SLC13A3: variants seen among roughly 807,000 people sequenced by gnomAD.
SLC13A3 encodes the protein Na(+)/dicarboxylate cotransporter 3.
A neutral mutation model predicts 59.0 loss-of-function variants in SLC13A3; 40 were observed. That is an observed-to-expected ratio of 0.68 (90% confidence interval 0.53 to 0.88). The LOEUF (loss-of-function observed/expected upper bound fraction) is 0.88, where lower values mean the gene tolerates loss of function less well. Among genes scored for constraint, SLC13A3 ranks in the 40% least tolerant of loss-of-function variants. The probability of loss-of-function intolerance (pLI) is 0.00; values close to 1 mark genes in which losing one functional copy is unlikely to be tolerated. For synonymous variants in SLC13A3, 317 were observed against 330.3 expected, an observed-to-expected ratio of 0.96 and a Z score of 0.44; for missense variants, 699 against 783.2, an observed-to-expected ratio of 0.89 and a Z score of 1.28.
chr20:46,663,444 CAA>C (rs11086176), intron 1 of SLC13A3, among the ~76,000 whole-genome samples: 2,547 of 122,074 alleles, frequency 0.021, 76 homozygotes, highest in African/African-American at 0.066. Flanking sequence ...GACCCTGTTT[CAA>C]AAAAAAAAAA....
intron 8 of SLC13A3, among the ~76,000 whole-genome samples, chr20:46,587,288 T>C (rs988799454): frequency 2.0e-5 from 3 of 152,212 alleles, no homozygotes; most frequent in Non-Finnish European, 4.4e-5. Flanking sequence ...TAATATCATT[T>C]TACAGATTAG....
chr20:46,651,478 G>A (rs1017862036), upstream of SLC13A3: 11 of 1,365,906 alleles, frequency 8.1e-6, no homozygotes, highest in South Asian at 1.2e-4. Context: ...TGGCCCCGGC[G>A]CCGGCTTAAA....
intron 9 of SLC13A3, among the ~76,000 whole-genome samples, chr20:46,578,551 C>T (rs554262315): frequency 2.1e-4 from 32 of 152,042 alleles, no homozygotes; most frequent in African/African-American, 7.0e-4. Flanking sequence ...TGGTGGGTGC[C>T]TATAATCCCA....
chr20:46,608,306 A>AT (rs1211645031), intron 3 of SLC13A3, among the ~76,000 whole-genome samples: 5 of 151,990 alleles, frequency 3.3e-5, no homozygotes, highest in African/African-American at 9.7e-5. Context: ...CATAAATACA[A>AT]TTTTTTTGTC....
At chr20:46,592,860 C>G (rs2062274157) in intron 5 of SLC13A3, among the ~76,000 whole-genome samples, 1 of 152,218 alleles carries the variant, frequency 6.6e-6, no homozygotes, top group African/African-American at 2.4e-5. Flanking sequence ...AAGGGCTCAG[C>G]TGCTATTTGC....
At chr20:46,569,959 T>C (rs1460057370) in intron 10 of SLC13A3, among the ~76,000 whole-genome samples, 2 of 152,168 alleles carry the variant, frequency 1.3e-5, no homozygotes, top group African/African-American at 4.8e-5. Context: ...CCCTTGAAAA[T>C]CTTTTAAAAG....
At chr20:46,583,048 C>A (rs1271539603) in intron 9 of SLC13A3, 1 of 985,670 alleles carries the variant, frequency 1.0e-6, no homozygotes, top group Non-Finnish European at 1.2e-6. Context: ...CCTGGGCAAC[C>A]AAGGTGCAAC....
chr20:46,592,840 C>T (rs752930775), intron 5 of SLC13A3, among the ~76,000 whole-genome samples: 1 of 152,186 alleles, frequency 6.6e-6, no homozygotes, highest in Non-Finnish European at 1.5e-5. Context: ...GAAGAGAGCC[C>T]TGCTCATTAA....
At chr20:46,681,010 CA>C (rs2063151296) in intron 1 of SLC13A3, among the ~76,000 whole-genome samples, 1 of 152,218 alleles carries the variant, frequency 6.6e-6, no homozygotes, top group African/African-American at 2.4e-5. Flanking sequence ...GGGAAGCCAG[CA>C]CATTTGTGAA....
At chr20:46,575,928 A>T (rs2062071606) in intron 9 of SLC13A3, among the ~76,000 whole-genome samples, 1 of 152,210 alleles carries the variant, frequency 6.6e-6, no homozygotes, top group Non-Finnish European at 1.5e-5. Flanking sequence ...TGGAAACTCC[A>T]CATGCAGGAC....
intron 10 of SLC13A3, 83 bp from the exon 11 acceptor site, chr20:46,566,473 A>C: frequency 2.1e-6 from 3 of 1,454,288 alleles, no homozygotes; most frequent in African/African-American, 1.4e-5. Flanking sequence ...GATCACAACA[A>C]TGACGACCAT....
chr20:46,588,474 G>T (rs2062217209), intron 7 of SLC13A3, among the ~76,000 whole-genome samples: 1 of 152,148 alleles, frequency 6.6e-6, no homozygotes, highest in Non-Finnish European at 1.5e-5. Flanking sequence ...TCAAGAAAGT[G>T]AGAAACAGAG....
intron 1 of SLC13A3, among the ~76,000 whole-genome samples, chr20:46,641,432 G>A (rs1317580641): frequency 1.3e-5 from 2 of 152,204 alleles, no homozygotes; most frequent in Non-Finnish European, 2.9e-5. Flanking sequence ...TTTCAGATCA[G>A]GATGAATGCC....
chr20:46,567,934 C>G (rs1024261591), intron 10 of SLC13A3, among the ~76,000 whole-genome samples: 8 of 152,156 alleles, frequency 5.3e-5, no homozygotes, highest in African/African-American at 1.9e-4. Flanking sequence ...TGGAGCTGAT[C>G]TAGGGCAGAG....
At chr20:46,615,384 G>T (rs990265716) in intron 1 of SLC13A3, among the ~76,000 whole-genome samples, 1 of 152,158 alleles carries the variant, frequency 6.6e-6, no homozygotes, top group Non-Finnish European at 1.5e-5. Context: ...ACAGGTATCA[G>T]GTTACGTGGG....
chr20:46,594,585 G>C (rs1360307293), intron 5 of SLC13A3, among the ~76,000 whole-genome samples: 1 of 152,136 alleles, frequency 6.6e-6, no homozygotes, highest in Non-Finnish European at 1.5e-5. Flanking sequence ...ACCTGAAGCA[G>C]GACCATCTTT....
At chr20:46,632,795 ATCTCTC>A (rs903019705) in intron 1 of SLC13A3, among the ~76,000 whole-genome samples, 1 of 150,324 alleles carries the variant, frequency 6.7e-6, no homozygotes, top group Admixed American at 6.6e-5. Context: ...AGTAATCTCT[ATCTCTC>A]TCTCTCTCTT....
At chr20:46,595,490 C>G (rs866768169) in intron 5 of SLC13A3, among the ~76,000 whole-genome samples, 3 of 152,124 alleles carry the variant, frequency 2.0e-5, no homozygotes, top group African/African-American at 7.2e-5. Context: ...ACTGGGGGAC[C>G]CTGCTTATGG....
intron 1 of SLC13A3, among the ~76,000 whole-genome samples, chr20:46,617,804 T>C (rs570145942): frequency 6.6e-6 from 1 of 152,152 alleles, no homozygotes; most frequent in Non-Finnish European, 1.5e-5. Flanking sequence ...CAAAACTGAC[T>C]TTCTTCCACC....
Sources: gnomAD v4.1 joint callset for allele counts (sites outside exome capture counted in the v4.1 genomes callset) on GRCh38, gnomAD v4.1.1 for gene constraint, MANE v1.5 for transcripts, NCBI Gene and HGNC (gene_info 2026-07-23, HGNC 2026-07-21) for gene names.